The following ZNF385B variants were observed in gnomAD, a reference collection of about 807,000 sequenced individuals.
The protein encoded by ZNF385B is zinc finger protein 533.
ZNF385B carries 23 observed loss-of-function variants against 39.2 expected under a neutral mutation model. That is an observed-to-expected ratio of 0.59 (90% CI 0.42 to 0.83). ZNF385B has a LOEUF of 0.83. Ranked by LOEUF, ZNF385B falls within the 40% of genes least tolerant of loss-of-function variation. The pLI is 0.00. For missense variants in ZNF385B, 552 were observed against 598.9 expected (o/e 0.92, Z 0.82); for synonymous variants, 205 against 222.6 (o/e 0.92, Z 0.70).
At chr2:179,630,809 G>A (rs1174308968) in intron 3 of ZNF385B, among the ~76,000 whole-genome samples, 1 of 152,196 alleles carries the variant, frequency 6.6e-6, no homozygotes, top group Non-Finnish European at 1.5e-5. Flanking sequence ...AATAAAAAGT[G>A]TAGAGAATAC....
At chr2:179,701,159 T>A (rs1699169986) in intron 3 of ZNF385B, among the ~76,000 whole-genome samples, 1 of 152,252 alleles carries the variant, frequency 6.6e-6, no homozygotes, top group African/African-American at 2.4e-5. Flanking sequence ...GAAACTTTTA[T>A]AAGTCATACA....
At chr2:179,708,423 T>C (rs923241936) in intron 3 of ZNF385B, among the ~76,000 whole-genome samples, 1 of 152,166 alleles carries the variant, frequency 6.6e-6, no homozygotes, top group Admixed American at 6.5e-5. Flanking sequence ...TTTATAGCAA[T>C]GTGAAAACAG....
intron 3 of ZNF385B, among the ~76,000 whole-genome samples, chr2:179,553,102 A>G (rs1219853456): frequency 6.7e-6 from 1 of 148,952 alleles, no homozygotes; most frequent in African/African-American, 2.5e-5. Context: ...CAAATTGTAT[A>G]GGTGAAAACA....
intron 4 of ZNF385B, among the ~76,000 whole-genome samples, chr2:179,521,353 G>GTTTTTTTTTTTTTTTTTTTTTTTTT (rs56392185): frequency 4.1e-4 from 44 of 108,156 alleles, no homozygotes; most frequent in South Asian, 7.2e-4. Context: ...CACCTGGCCA[G>GTTTTTTTTTTTTTTTTTTTTTTTTT]TTTTTTTTTT....
chr2:179,606,539 T>TA (rs1481321051), intron 3 of ZNF385B, among the ~76,000 whole-genome samples: 1 of 152,154 alleles, frequency 6.6e-6, no homozygotes, highest in Non-Finnish European at 1.5e-5. Flanking sequence ...TGTGGAAATT[T>TA]AGAGTTTCCT....
chr2:179,606,451 A>G (rs528732858), intron 3 of ZNF385B, among the ~76,000 whole-genome samples: 15 of 152,232 alleles, frequency 9.9e-5, no homozygotes, highest in Admixed American at 2.6e-4. Context: ...AGAAAGCACA[A>G]TTTCTGCTTT....
intron 5 of ZNF385B, among the ~76,000 whole-genome samples, chr2:179,492,339 A>G (rs2055327401): frequency 6.6e-6 from 1 of 152,184 alleles, no homozygotes; most frequent in Non-Finnish European, 1.5e-5. Flanking sequence ...ATATAATTCA[A>G]GTTTATGCAT....
chr2:179,680,809 G>T (rs1318195649), intron 3 of ZNF385B, among the ~76,000 whole-genome samples: 2 of 152,006 alleles, frequency 1.3e-5, no homozygotes, highest in Non-Finnish European at 2.9e-5. Flanking sequence ...AATATTAGAG[G>T]TGTAAAACAG....
intron 3 of ZNF385B, among the ~76,000 whole-genome samples, chr2:179,691,982 G>C (rs1195276645): frequency 2.6e-5 from 4 of 151,996 alleles, no homozygotes; most frequent in Non-Finnish European, 4.4e-5. Flanking sequence ...ATCTCCTCAA[G>C]CATTTATTAT....
intron 3 of ZNF385B, among the ~76,000 whole-genome samples, chr2:179,700,876 TG>T (rs1351728310): frequency 5.3e-5 from 8 of 152,104 alleles, no homozygotes; most frequent in Admixed American, 2.6e-4. Context: ...TAGTCGCACA[TG>T]GTGGCACGCG....
chr2:179,681,869 T>G (rs1322263776), intron 3 of ZNF385B, among the ~76,000 whole-genome samples: 1 of 152,222 alleles, frequency 6.6e-6, no homozygotes, highest in Non-Finnish European at 1.5e-5. Flanking sequence ...TATGGCCCTG[T>G]AACTCAATTT....
intron 1 of ZNF385B, among the ~76,000 whole-genome samples, chr2:179,840,410 G>A (rs1320838112): frequency 6.6e-6 from 1 of 152,174 alleles, no homozygotes; most frequent in Non-Finnish European, 1.5e-5. Flanking sequence ...AAAGTTCAAT[G>A]ATAAGAGCAA....
At chr2:179,842,256 C>A (rs1708574669) in intron 1 of ZNF385B, among the ~76,000 whole-genome samples, 1 of 152,146 alleles carries the variant, frequency 6.6e-6, no homozygotes, top group Admixed American at 6.5e-5. Context: ...TATAACTAAA[C>A]TTCTGCCATC....
chr2:179,767,691 C>A (rs984196219), intron 3 of ZNF385B, among the ~76,000 whole-genome samples: 1 of 152,186 alleles, frequency 6.6e-6, no homozygotes, highest in Non-Finnish European at 1.5e-5. Flanking sequence ...TACGCATGCA[C>A]ACATGATAGC....
intron 1 of ZNF385B, among the ~76,000 whole-genome samples, chr2:179,818,334 C>T (rs1707198618): frequency 6.6e-6 from 1 of 152,118 alleles, no homozygotes; most frequent in South Asian, 2.1e-4. Flanking sequence ...GATTTAGCAG[C>T]AGGGCATGGA....
chr2:179,528,293 A>G (rs2059043448), intron 4 of ZNF385B, among the ~76,000 whole-genome samples: 1 of 152,186 alleles, frequency 6.6e-6, no homozygotes, highest in Admixed American at 6.5e-5. Context: ...CCAAGAAGAA[A>G]GGTAAACTAA....
At chr2:179,445,480 T>G (rs144479168) in intron 8 of ZNF385B, 70 bp downstream of exon 8, 1 of 1,484,660 alleles carries the variant, frequency 6.7e-7, no homozygotes, top group East Asian at 2.3e-5. Context: ...AAAACCATTC[T>G]ATAGATGAGA....
chr2:179,572,728 AC>A (rs1020769078), intron 3 of ZNF385B, among the ~76,000 whole-genome samples: 20 of 151,628 alleles, frequency 1.3e-4, no homozygotes, highest in Admixed American at 1.2e-3. Context: ...TGACCTGAAA[AC>A]CCCTCCAACT....
chr2:179,839,174 C>T (rs1489507848), intron 1 of ZNF385B, among the ~76,000 whole-genome samples: 1 of 152,106 alleles, frequency 6.6e-6, no homozygotes, highest in African/African-American at 2.4e-5. Flanking sequence ...TCCTTGAAAG[C>T]GTATTTGGCA....
Sources: allele counts gnomAD v4.1 joint callset (sites outside exome capture counted in the v4.1 genomes callset), GRCh38; gene constraint gnomAD v4.1.1; transcripts MANE v1.5; gene names NCBI Gene and HGNC (gene_info 2026-07-23, HGNC 2026-07-21).